The following PCGF5 variants were observed in gnomAD, a reference collection of about 807,000 sequenced individuals.
PCGF5 encodes polycomb group ring finger 5, also known as polycomb group RING finger protein 5.
A neutral mutation model predicts 44.3 loss-of-function variants in PCGF5; 9 were observed. The observed-to-expected ratio is 0.20, with a 90% CI of 0.12 to 0.35. The LOEUF (loss-of-function observed/expected upper bound fraction) is 0.35, where lower values mean the gene tolerates loss of function less well. Ranked by LOEUF, PCGF5 falls within the 10% of genes least tolerant of loss-of-function variation. The probability of loss-of-function intolerance (pLI) is 1.00; values close to 1 mark genes in which losing one functional copy is unlikely to be tolerated. For missense variants in PCGF5, 146 were observed against 305.3 expected (o/e 0.48, Z 3.89); for synonymous variants, 95 against 102.5 (o/e 0.93, Z 0.44).
At chr10:91,227,593 C>T in intron 2 of PCGF5, 2 of 1,171,750 alleles carry the variant, frequency 1.7e-6, no homozygotes, top group Non-Finnish European at 2.1e-6. Context: ...CTCACCAAAG[C>T]CACTGCAGCA....
intron 1 of PCGF5, among the ~76,000 whole-genome samples, chr10:91,212,153 T>C (rs911278001): frequency 6.6e-6 from 1 of 152,206 alleles, no homozygotes; most frequent in African/African-American, 2.4e-5. Context: ...CATTCCATTG[T>C]TAGTTATTAG....
At chr10:91,264,022 TGA>T (rs1845987989) in intron 7 of PCGF5, among the ~76,000 whole-genome samples, 1 of 152,178 alleles carries the variant, frequency 6.6e-6, no homozygotes, top group African/African-American at 2.4e-5. Flanking sequence ...GAAAGAATTC[TGA>T]GAGAGGAATT....
At chr10:91,274,131 A>G (rs1308570754) in intron 9 of PCGF5, among the ~76,000 whole-genome samples, 10 of 151,240 alleles carry the variant, frequency 6.6e-5, no homozygotes, top group Admixed American at 5.3e-4. Context: ...ATATATATGT[A>G]ATAGTACATT....
At chr10:91,259,172 T>A (rs1321427225) in intron 6 of PCGF5, among the ~76,000 whole-genome samples, 2 of 152,160 alleles carry the variant, frequency 1.3e-5, no homozygotes, top group Non-Finnish European at 2.9e-5. Context: ...AGTACTGCTC[T>A]GCACATTTTA....
intron 1 of PCGF5, among the ~76,000 whole-genome samples, chr10:91,193,057 T>G (rs1159814278): frequency 6.6e-6 from 1 of 152,068 alleles, no homozygotes; most frequent in African/African-American, 2.4e-5. Context: ...GTGGCCACAG[T>G]TGGAATGATC....
chr10:91,242,957 C>T (rs1230577305), intron 3 of PCGF5, among the ~76,000 whole-genome samples: 2 of 151,882 alleles, frequency 1.3e-5, no homozygotes, highest in Non-Finnish European at 2.9e-5. Flanking sequence ...AAAATTCCAC[C>T]GAAATTACCA....
At position 91,281,204 on chromosome 10, in the gene PCGF5, TACTC is replaced by T. The variant is rs1846444626; in HGVS notation, c.*2890_*2893del. ...ACTAAAATGCTCATTGATGAGGTAA[TACTC>T]AGTCTGGAGTACAGGTAACTTGGGT... On this transcript the variant is annotated 3_prime_UTR_variant, in exon 10 of 10. Transcript: ENST00000336126. 2 of 152,454 alleles carry T rather than the reference TACTC, an allele frequency of 1.3e-5. No individual in the cohort carries two copies. The highest frequency in any genetic ancestry group is 2.1e-4 in the South Asian group (1 of 4,828). The allele number at this position is 152,454 out of a possible 1,614,324, so 9.4% of individuals were successfully genotyped here. A position where few individuals can be genotyped will look rare whatever the true frequency, so the allele number is the denominator to read the frequency against.
chr10:91,247,336 G>A (rs1452126025), intron 3 of PCGF5, among the ~76,000 whole-genome samples: 1 of 152,036 alleles, frequency 6.6e-6, no homozygotes, highest in Non-Finnish European at 1.5e-5. Context: ...ATTCAATATG[G>A]AAGTTATAGA....
chr10:91,269,187 A>C (rs1156932865), intron 8 of PCGF5, among the ~76,000 whole-genome samples: 3 of 152,122 alleles, frequency 2.0e-5, no homozygotes, highest in Non-Finnish European at 4.4e-5. Context: ...GTTTCAGGAG[A>C]TGTGATCTGT....
intron 6 of PCGF5, among the ~76,000 whole-genome samples, chr10:91,261,091 C>CG (rs2133413533): frequency 6.6e-6 from 1 of 151,664 alleles, no homozygotes; most frequent in African/African-American, 2.4e-5. Context: ...GCCTATTTGC[C>CG]AGGATTTTCC....
intron 3 of PCGF5, among the ~76,000 whole-genome samples, chr10:91,245,667 C>CA (rs1248562093): frequency 4.0e-5 from 6 of 151,678 alleles, no homozygotes; most frequent in East Asian, 3.9e-4. Context: ...GGAGCATTGA[C>CA]AAAAAAAATT....
intron 1 of PCGF5, among the ~76,000 whole-genome samples, chr10:91,205,443 G>A (rs1030054310): frequency 1.3e-5 from 2 of 152,106 alleles, no homozygotes. Context: ...AGTGACAAGG[G>A]TATATTCCAG....
intron 1 of PCGF5, among the ~76,000 whole-genome samples, chr10:91,196,448 C>G (rs1844136463): frequency 6.6e-6 from 1 of 152,176 alleles, no homozygotes; most frequent in Non-Finnish European, 1.5e-5. Context: ...GCTTTATGTC[C>G]CTTCTCACCC....
In PCGF5 at chr10:91,239,146, T is replaced by TA. The variant is rs375756259; in HGVS notation, c.113-1333dup. Among the ~76,000 whole-genome samples the TA allele has an allele frequency of 2.5e-3, 373 of 152,176 alleles. 1 individual carries two copies. The highest frequency in any genetic ancestry group is 8.6e-3 in the African/African-American group (359 of 41,518). On this transcript the variant is annotated intron_variant, in intron 2 of 9. Transcript: ENST00000336126. ...TTTGGGGGGCGGAGGGGGAGGCAGG[T>TA]AAAAATACCACTTATCACTAACTAA... is the stretch of plus-strand genomic sequence containing the variant.
At chr10:91,275,444 TA>T (rs1486493526) in intron 9 of PCGF5, among the ~76,000 whole-genome samples, 1 of 134,214 alleles carries the variant, frequency 7.5e-6, no homozygotes, top group African/African-American at 3.0e-5. Context: ...AACTACATTT[TA>T]TTTTTTTTTT....
chr10:91,254,879 C>G (rs780197871), intron 6 of PCGF5, among the ~76,000 whole-genome samples: 2 of 152,046 alleles, frequency 1.3e-5, no homozygotes, highest in Non-Finnish European at 2.9e-5. Flanking sequence ...AGCATTTTAT[C>G]AAGAAGATGA....
chr10:91,219,284 G>T (rs550101437), upstream of PCGF5, among the ~76,000 whole-genome samples: 1 of 152,172 alleles, frequency 6.6e-6, no homozygotes, highest in South Asian at 2.1e-4. Flanking sequence ...CTGATTAACC[G>T]CACTTGTGAT....
chr10:91,203,810 A>G (rs887722288), intron 1 of PCGF5, among the ~76,000 whole-genome samples: 5 of 152,142 alleles, frequency 3.3e-5, no homozygotes, highest in African/African-American at 1.2e-4. Context: ...AATATAGGAA[A>G]TTTGTCAACA....
At chr10:91,191,367 C>T (rs1844030941) in intron 1 of PCGF5, among the ~76,000 whole-genome samples, 1 of 152,160 alleles carries the variant, frequency 6.6e-6, no homozygotes, top group African/African-American at 2.4e-5. Flanking sequence ...CATGGGTACA[C>T]TGGACAAAGG....
Sources: allele counts gnomAD v4.1 joint callset (sites outside exome capture counted in the v4.1 genomes callset), GRCh38; gene constraint gnomAD v4.1.1; transcripts MANE v1.5; gene names NCBI Gene and HGNC (gene_info 2026-07-23, HGNC 2026-07-21).